The following AGPS variants were observed in gnomAD, a reference collection of about 807,000 sequenced individuals.
AGPS encodes the protein alkylglycerone phosphate synthase, also known as alkyldihydroxyacetonephosphate synthase, peroxisomal.
In AGPS, 26 loss-of-function variants were observed where a neutral mutation model predicts 90.7. That is an observed-to-expected ratio of 0.29 (90% CI 0.21 to 0.40). The LOEUF is 0.40. Ranked by LOEUF, AGPS falls within the 10% of genes least tolerant of loss-of-function variation. The pLI, the probability that AGPS is intolerant of heterozygous loss-of-function variation, is 1.00. For missense variants in AGPS, 540 were observed against 816.1 expected, an observed-to-expected ratio of 0.66 and a Z score of 4.12; for synonymous variants, 294 against 285.3, an observed-to-expected ratio of 1.03 and a Z score of -0.31.
intron 18 of AGPS, among the ~76,000 whole-genome samples, chr2:177,522,967 C>T (rs1406502492): frequency 6.6e-6 from 1 of 152,190 alleles, no homozygotes; most frequent in Non-Finnish European, 1.5e-5. Context: ...TCCTTTTTTA[C>T]AGTGCTCTTT....
At chr2:177,529,327 C>G (rs186208375) in intron 19 of AGPS, among the ~76,000 whole-genome samples, 1 of 152,036 alleles carries the variant, frequency 6.6e-6, no homozygotes, top group Admixed American at 6.6e-5. Flanking sequence ...AAAACTAGCT[C>G]ACTGTGGTGG....
chr2:177,434,266 T>G (rs1383241720), intron 2 of AGPS, 61 bp from the exon 3 acceptor site: 17 of 1,267,824 alleles, frequency 1.3e-5, no homozygotes, highest in Non-Finnish European at 1.9e-5. Context: ...AAGCAGAATT[T>G]AAGCTTTAAA....
intron 8 of AGPS, among the ~76,000 whole-genome samples, 195 bp downstream of exon 8, chr2:177,445,821 A>T (rs1253493812): frequency 6.6e-6 from 1 of 152,190 alleles, no homozygotes; most frequent in African/African-American, 2.4e-5. Context: ...TGAGGACATG[A>T]TAGTGAATAA....
chr2:177,491,518 C>G (rs1286083194), intron 11 of AGPS, among the ~76,000 whole-genome samples: 1 of 148,046 alleles, frequency 6.8e-6, no homozygotes, highest in Non-Finnish European at 1.5e-5. Context: ...CTCGGGCAGT[C>G]TGCCTCCCTT....
chr2:177,436,943 T>C, intron 4 of AGPS, 37 bp from the exon 5 acceptor site: 1 of 1,611,382 alleles, frequency 6.2e-7, no homozygotes, highest in Non-Finnish European at 8.5e-7. Flanking sequence ...TATTTTAAGC[T>C]GTTTTTGTGT....
At position 177,538,384 on chromosome 2, in the gene AGPS, A is replaced by G. The variant is rs1287408652; in HGVS notation, c.*189A>G. ...ATGGATTGACAGATAGTATTCCTAA[A>G]TCTCTCTCATTGTAGGTACATCATT... is the stretch of plus-strand genomic sequence containing the variant. On this transcript the variant is annotated 3_prime_UTR_variant, in exon 20 of 20. Coordinates refer to ENST00000264167, the MANE Select transcript of AGPS (RefSeq NM_003659.4). 1.1e-5 allele frequency: 7 copies of G among 643,404 alleles called. No homozygotes were observed. 39.9% of individuals were successfully genotyped at this position (643,404 alleles called of 1,614,324 possible).
chr2:177,531,429 T>C (rs1054107356), intron 19 of AGPS, among the ~76,000 whole-genome samples: 1 of 152,060 alleles, frequency 6.6e-6, no homozygotes, highest in East Asian at 1.9e-4. Flanking sequence ...TAGGCATAAA[T>C]CTAGCAAAAT....
chr2:177,520,968 TAGA>T lies in AGPS; in HGVS notation c.1698-298_1698-296del, dbSNP rs1174828884. Among the ~76,000 whole-genome samples the T allele has an allele frequency of 2.0e-5, 3 of 152,230 alleles. No homozygotes were observed. The East Asian group carries it at 5.8e-4, about 29-fold the overall frequency. On this transcript the variant is annotated intron_variant, in intron 17 of 19. Transcript: ENST00000264167. ...TAAAAGTTTTTGGGTTATTTCCCAA[TAGA>T]AGTTTTAGTAACATGGGACAGACAT...
At position 177,394,188 on chromosome 2, in the gene AGPS, A is replaced by G. The variant is rs540265545; in HGVS notation, c.260+1139A>G. Among the ~76,000 whole-genome samples, 10 of 152,338 alleles carry G rather than the reference A, an allele frequency of 6.6e-5. No homozygotes were observed. In the South Asian group the frequency reaches 1.9e-3, roughly 28 times the overall value. On this transcript the variant is annotated intron_variant, in intron 1 of 19. Transcript: ENST00000264167. Reference sequence around the variant, plus strand: ...TACACACTGTACCAGCAATACAGAAATTTAAAAATACGGTATTTACTCTTA... The same window carrying G: ...TACACACTGTACCAGCAATACAGAAGTTTAAAAATACGGTATTTACTCTTA...
intron 14 of AGPS, among the ~76,000 whole-genome samples, chr2:177,500,722 A>G (rs144125340): frequency 1.3e-5 from 2 of 152,024 alleles, no homozygotes; most frequent in Non-Finnish European, 2.9e-5. Context: ...CCTATTCTGA[A>G]ATTGGCAAAT....
rs896784378 is a variant in AGPS, at chr2:177,539,834, T to C, written c.*1639T>C. 6.6e-6 allele frequency: 1 copy of C among 151,762 alleles called. No individual in the cohort carries two copies. Among genetic ancestry groups the C allele is most frequent in the Admixed American group, 6.6e-5 (1 of 15,208 alleles). The allele number at this position is 151,762 out of a possible 1,614,324, so 9.4% of individuals were successfully genotyped here. A position where few individuals can be genotyped will look rare whatever the true frequency, so the allele number is the denominator to read the frequency against. On this transcript the variant is annotated 3_prime_UTR_variant, in exon 20 of 20. Coordinates refer to ENST00000264167, the MANE Select transcript of AGPS (RefSeq NM_003659.4). ...TTTAGAAGCTGCCTCTCTTCATTGG[T>C]CATTTATTTTTAATTATAAAATTTC...
At chr2:177,435,420 CT>C (rs1686376619) in intron 3 of AGPS, among the ~76,000 whole-genome samples, 1 of 152,026 alleles carries the variant, frequency 6.6e-6, no homozygotes, top group Non-Finnish European at 1.5e-5. Flanking sequence ...TTTGCAATTA[CT>C]TGTTTTTGAC....
At chr2:177,480,437 T>G (rs1287818781) in intron 10 of AGPS, among the ~76,000 whole-genome samples, 1 of 152,140 alleles carries the variant, frequency 6.6e-6, no homozygotes, top group Non-Finnish European at 1.5e-5. Flanking sequence ...GGGACATGGA[T>G]GAAGCTAGAA....
At chr2:177,411,915 G>A (rs1685632658) in intron 1 of AGPS, among the ~76,000 whole-genome samples, 2 of 152,136 alleles carry the variant, frequency 1.3e-5, no homozygotes, top group South Asian at 4.1e-4. Context: ...ATCGGGGGAG[G>A]AGAGCATCTT....
rs558805870 is a variant in AGPS, at chr2:177,527,310, C to G, written c.1855+3505C>G. Among the ~76,000 whole-genome samples, 10 of 152,098 alleles carry G rather than the reference C, an allele frequency of 6.6e-5. No individual in the cohort carries two copies. The East Asian group carries it at 1.9e-3, about 29-fold the overall frequency. On this transcript the variant is annotated intron_variant, in intron 19 of 19. Transcript: ENST00000264167. ...GGGCATGGTAGCATGTACCTGTAAT[C>G]CCAGCTACTCAGGAGGCTGAGGTAG...
intron 1 of AGPS, among the ~76,000 whole-genome samples, chr2:177,395,209 T>C (rs1574334727): frequency 6.6e-6 from 1 of 152,206 alleles, no homozygotes; most frequent in Non-Finnish European, 1.5e-5. Context: ...GTTTTCCTTA[T>C]GGTTAGATTT....
At chr2:177,455,097 G>A (rs1559053738) in intron 8 of AGPS, among the ~76,000 whole-genome samples, 1 of 152,098 alleles carries the variant, frequency 6.6e-6, no homozygotes, top group Non-Finnish European at 1.5e-5. Context: ...GAAGCCAAAA[G>A]GCTGGACACC....
intron 8 of AGPS, among the ~76,000 whole-genome samples, chr2:177,455,353 G>T (rs1227627958): frequency 6.6e-6 from 1 of 152,086 alleles, no homozygotes; most frequent in African/African-American, 2.4e-5. Context: ...CTGTTTCTGT[G>T]GAGCGCTAAA....
chr2:177,510,229 G>A (rs1355573761), intron 16 of AGPS, among the ~76,000 whole-genome samples: 1 of 152,054 alleles, frequency 6.6e-6, no homozygotes, highest in Non-Finnish European at 1.5e-5. Context: ...TTTGGTGAAG[G>A]CCTTCTTCCT....
Sources: allele counts gnomAD v4.1 joint callset (sites outside exome capture counted in the v4.1 genomes callset), GRCh38; gene constraint gnomAD v4.1.1; transcripts MANE v1.5; gene names NCBI Gene and HGNC (gene_info 2026-07-23, HGNC 2026-07-21).